MIER1: variants seen among roughly 807,000 people sequenced by gnomAD.
MIER1 encodes mesoderm induction early response protein 1.
MIER1 carries 40 observed loss-of-function variants against 75.7 expected under a neutral mutation model. That is an observed-to-expected ratio of 0.53 (90% confidence interval 0.41 to 0.69). MIER1 has a LOEUF of 0.69. Ranked by LOEUF, MIER1 falls within the 30% of genes least tolerant of loss-of-function variation. The pLI is 0.00. For missense variants in MIER1, 574 were observed against 680.2 expected (o/e 0.84, Z 1.74); for synonymous variants, 213 against 223.4 (o/e 0.95, Z 0.42).
At chr1:66,930,195 G>C in intron 2 of MIER1, 1 of 1,365,618 alleles carries the variant, frequency 7.3e-7, no homozygotes, top group Non-Finnish European at 9.4e-7. Context: ...GTCCAGCCCA[G>C]CCGGGGCGCC....
At chr1:66,938,487 C>A (rs758440189) in intron 2 of MIER1, among the ~76,000 whole-genome samples, 1 of 152,098 alleles carries the variant, frequency 6.6e-6, no homozygotes, top group African/African-American at 2.4e-5. Flanking sequence ...AGTATAACTG[C>A]GTGAAACACA....
chr1:66,926,622 G>A (rs1420883213), intron 2 of MIER1, among the ~76,000 whole-genome samples: 2 of 152,144 alleles, frequency 1.3e-5, no homozygotes, highest in Non-Finnish European at 2.9e-5. Flanking sequence ...AAGTTTTTTA[G>A]ATGTAGGTAT....
chr1:66,938,646 A>G (rs1297153358), intron 2 of MIER1, among the ~76,000 whole-genome samples: 1 of 152,126 alleles, frequency 6.6e-6, no homozygotes, highest in African/African-American at 2.4e-5. Context: ...TTGTCATGTC[A>G]CCCTACTCTC....
At chr1:66,928,287 A>G (rs1652299782) in intron 2 of MIER1, among the ~76,000 whole-genome samples, 1 of 152,154 alleles carries the variant, frequency 6.6e-6, no homozygotes, top group African/African-American at 2.4e-5. Context: ...TTTCCTGACA[A>G]GTTTAGGATT....
intron 2 of MIER1, among the ~76,000 whole-genome samples, chr1:66,935,309 C>A (rs1654516815): frequency 6.6e-6 from 1 of 152,110 alleles, no homozygotes; most frequent in Non-Finnish European, 1.5e-5. Context: ...CTAAATCATA[C>A]AAATATGTGG....
intron 2 of MIER1, chr1:66,929,017 C>A: frequency 9.4e-7 from 1 of 1,069,424 alleles, no homozygotes; most frequent in Non-Finnish European, 1.4e-6. Flanking sequence ...GCAGTTTATT[C>A]ATGCACAGAT....
At chr1:66,945,485 C>T (rs1192385204) in intron 3 of MIER1, among the ~76,000 whole-genome samples, 1 of 151,900 alleles carries the variant, frequency 6.6e-6, no homozygotes, top group Non-Finnish European at 1.5e-5. Flanking sequence ...ACACAGAAGC[C>T]ATGGACATGG....
chr1:66,926,109 C>G, intron 1 of MIER1, 33 bp from the exon 2 acceptor site: 2 of 1,546,316 alleles, frequency 1.3e-6, no homozygotes, highest in Non-Finnish European at 1.8e-6. Flanking sequence ...TTTCTGTCTC[C>G]TTGCTACTGA....
At chr1:66,967,576 T>C (rs1245153633) in intron 8 of MIER1, among the ~76,000 whole-genome samples, 1 of 152,204 alleles carries the variant, frequency 6.6e-6, no homozygotes, top group Non-Finnish European at 1.5e-5. Flanking sequence ...ATCTGTAGAT[T>C]GCTTTTGGTA....
rs1667044006 is a variant in MIER1 at position 66,988,365 on chromosome 1, CTTA to C, written c.*3466_*3468del. 1 of 152,036 alleles carries C rather than the reference CTTA, an allele frequency of 6.6e-6. No individual in the cohort carries two copies. The highest frequency in any genetic ancestry group is 2.4e-5 in the African/African-American group (1 of 41,416). 9.4% of individuals were successfully genotyped at this position (152,036 alleles called of 1,614,324 possible). Reference sequence around the variant, plus strand: ...ATATCAAGTTCATCCTTTGCAGAATCTTAAAGGGTTTTCCACACATCCATCCAC... The same window carrying C: ...ATATCAAGTTCATCCTTTGCAGAATCAAGGGTTTTCCACACATCCATCCAC... On this transcript the variant is annotated 3_prime_UTR_variant, in exon 14 of 14. Coordinates refer to ENST00000401041, the MANE Select transcript of MIER1 (RefSeq NM_001077700.3).
intron 4 of MIER1, chr1:66,948,190 T>A: frequency 7.6e-6 from 7 of 919,918 alleles, no homozygotes; most frequent in Non-Finnish European, 9.1e-6. Context: ...AAGTATTGTA[T>A]GAATGAATGG....
At chr1:66,925,809 A>G (rs1433278561) in intron 1 of MIER1, among the ~76,000 whole-genome samples, 1 of 152,216 alleles carries the variant, frequency 6.6e-6, no homozygotes, top group African/African-American at 2.4e-5. Flanking sequence ...AGCTTCCTCC[A>G]ACGCTAGAAT....
chr1:66,945,827 A>C (rs919686267), intron 3 of MIER1, among the ~76,000 whole-genome samples: 1 of 152,194 alleles, frequency 6.6e-6, no homozygotes, highest in African/African-American at 2.4e-5. Context: ...CCTGGGACAG[A>C]GCGAGACCCT....
chr1:66,970,983 G>T (rs1342918645), intron 9 of MIER1, 24 bp downstream of exon 9: 1 of 1,558,326 alleles, frequency 6.4e-7, no homozygotes, highest in South Asian at 1.3e-5. Flanking sequence ...ACAACTGTTA[G>T]AACTTTGCCA....
At chr1:66,928,903 G>T in intron 2 of MIER1, 2 of 1,606,758 alleles carry the variant, frequency 1.2e-6, no homozygotes, top group Non-Finnish European at 1.7e-6. Context: ...ATGTGCATCA[G>T]ATGTTTATGT....
Position 66,986,942 on chromosome 1 carries a change from A to C in MIER1, c.*2042A>C, listed in dbSNP as rs545067586. On this transcript the variant is annotated 3_prime_UTR_variant, in exon 14 of 14. Transcript: ENST00000401041. Reference sequence around the variant, plus strand: ...GATGCTGTACTTTTTGAATTGTTGCAGTGTTGGAGATGCCATTTTCACCTT... The same window carrying C: ...GATGCTGTACTTTTTGAATTGTTGCCGTGTTGGAGATGCCATTTTCACCTT... The C allele has an allele frequency of 3.1e-5, 4 of 129,286 alleles. No individual in the cohort carries two copies. The highest frequency in any genetic ancestry group is 1.4e-4 in the African/African-American group (4 of 28,230). The allele number at this position is 129,286 out of a possible 1,614,324, so 8.0% of individuals were successfully genotyped here. A position where few individuals can be genotyped will look rare whatever the true frequency, so the allele number is the denominator to read the frequency against.
intron 1 of MIER1, chr1:66,925,434 G>A: frequency 7.1e-6 from 7 of 985,316 alleles, no homozygotes; most frequent in Non-Finnish European, 8.4e-6. Context: ...TCGGGGTGGG[G>A]CTAAGCTGAC....
intron 12 of MIER1, among the ~76,000 whole-genome samples, chr1:66,978,325 A>G (rs1331519410): frequency 6.6e-6 from 1 of 152,210 alleles, no homozygotes; most frequent in African/African-American, 2.4e-5. Context: ...TTAGAAGGTC[A>G]AATGCTCTAA....
chr1:66,969,569 A>G (rs1033403642), intron 8 of MIER1, among the ~76,000 whole-genome samples: 2 of 149,196 alleles, frequency 1.3e-5, no homozygotes, highest in African/African-American at 5.0e-5. Flanking sequence ...AAAAAAAAAA[A>G]AAAAAATCAT....
Sources: gnomAD v4.1 joint callset for allele counts (sites outside exome capture counted in the v4.1 genomes callset) on GRCh38, gnomAD v4.1.1 for gene constraint, MANE v1.5 for transcripts, NCBI Gene and HGNC (gene_info 2026-07-23, HGNC 2026-07-21) for gene names.